The following PDE4D variants were observed in gnomAD, a reference collection of about 807,000 sequenced individuals.
PDE4D encodes 3',5'-cyclic-AMP phosphodiesterase 4D.
A neutral mutation model predicts 87.4 loss-of-function variants in PDE4D; 24 were observed. The ratio of observed to expected loss-of-function variants is 0.27; its 90% CI spans 0.20 to 0.39. The LOEUF (loss-of-function observed/expected upper bound fraction) is 0.39. Ranked by LOEUF, PDE4D falls within the 10% of genes least tolerant of loss-of-function variation. The pLI, the probability that PDE4D is intolerant of heterozygous loss-of-function variation, is 1.00. For missense variants in PDE4D, 714 were observed against 1,041.0 expected, an observed-to-expected ratio of 0.69 and a Z score of 4.32; for synonymous variants, 384 against 383.2, an observed-to-expected ratio of 1.00 and a Z score of -0.02.
intron 1 of PDE4D, among the ~76,000 whole-genome samples, chr5:59,362,951 A>G (rs1782459104): frequency 1.3e-5 from 2 of 152,164 alleles, no homozygotes; most frequent in African/African-American, 4.8e-5. Flanking sequence ...GTTGGAGCCA[A>G]CAGTCATAAA....
intron 2 of PDE4D, among the ~76,000 whole-genome samples, chr5:60,138,663 G>A (rs989243258): frequency 7.9e-5 from 12 of 152,090 alleles, no homozygotes; most frequent in African/African-American, 2.4e-4. Flanking sequence ...GTGTGTGTGT[G>A]TTCTCAAAGA....
At chr5:59,577,826 G>C (rs1823427765) in intron 1 of PDE4D, among the ~76,000 whole-genome samples, 1 of 151,976 alleles carries the variant, frequency 6.6e-6, no homozygotes, top group South Asian at 2.1e-4. Context: ...AAAATTATAA[G>C]GCTATTTAAT....
At chr5:60,205,596 G>C (rs1742413121) in intron 1 of PDE4D, among the ~76,000 whole-genome samples, 1 of 152,046 alleles carries the variant, frequency 6.6e-6, no homozygotes, top group Admixed American at 6.5e-5. Flanking sequence ...TTCCTGAAAA[G>C]GCAATAGGGT....
chr5:60,316,229 T>G (rs1755579524), intron 1 of PDE4D, among the ~76,000 whole-genome samples: 1 of 152,144 alleles, frequency 6.6e-6, no homozygotes, highest in Non-Finnish European at 1.5e-5. Flanking sequence ...ATTCCTAGAT[T>G]TTATTCTCTT....
At chr5:59,637,128 A>G (rs1832345315) in intron 1 of PDE4D, among the ~76,000 whole-genome samples, 1 of 152,270 alleles carries the variant, frequency 6.6e-6, no homozygotes, top group Non-Finnish European at 1.5e-5. Flanking sequence ...TATGCATATG[A>G]ACAAGCATAT....
intron 2 of PDE4D, among the ~76,000 whole-genome samples, chr5:60,037,035 G>A (rs1475107349): frequency 6.6e-6 from 1 of 152,180 alleles, no homozygotes; most frequent in Non-Finnish European, 1.5e-5. Flanking sequence ...TGTCAGCAGA[G>A]ACCAGATCAC....
chr5:60,301,067 C>T (rs1015395339), intron 1 of PDE4D, among the ~76,000 whole-genome samples: 1 of 152,158 alleles, frequency 6.6e-6, no homozygotes, highest in African/African-American at 2.4e-5. Context: ...ATGCGCCCAG[C>T]CTTCTGTGTC....
At chr5:59,451,222 C>T (rs1799105006) in intron 1 of PDE4D, among the ~76,000 whole-genome samples, 1 of 152,208 alleles carries the variant, frequency 6.6e-6, no homozygotes, top group South Asian at 2.1e-4. Context: ...TAGCACCTAA[C>T]TTTCTTGGTT....
intron 2 of PDE4D, among the ~76,000 whole-genome samples, chr5:59,212,014 T>C (rs1406677511): frequency 6.6e-6 from 1 of 152,162 alleles, no homozygotes; most frequent in African/African-American, 2.4e-5. Flanking sequence ...AGGTACTGTT[T>C]GTATTTGAAA....
At chr5:59,875,341 G>T (rs1228654491) in intron 1 of PDE4D, among the ~76,000 whole-genome samples, 1 of 151,488 alleles carries the variant, frequency 6.6e-6, no homozygotes, top group East Asian at 1.9e-4. Flanking sequence ...CTCGCCTGTA[G>T]TCCCAGCTAC....
intron 5 of PDE4D, among the ~76,000 whole-genome samples, chr5:59,054,580 A>C (rs776801087): frequency 6.6e-6 from 1 of 151,938 alleles, no homozygotes; most frequent in South Asian, 2.1e-4. Context: ...TTCAGTATAA[A>C]TTAAACCAAT....
At chr5:59,134,861 C>G (rs903667490) in intron 5 of PDE4D, among the ~76,000 whole-genome samples, 7 of 152,138 alleles carry the variant, frequency 4.6e-5, no homozygotes, top group Non-Finnish European at 1.0e-4. Flanking sequence ...TGTATGAGCT[C>G]TAGGTTGTTA....
chr5:60,024,231 T>G (rs2152854803), intron 2 of PDE4D, among the ~76,000 whole-genome samples: 1 of 152,290 alleles, frequency 6.6e-6, no homozygotes, highest in South Asian at 2.1e-4. Flanking sequence ...ATTGTTTATT[T>G]TATTTTTGAT....
At position 58,990,910 on chromosome 5, in the gene PDE4D, GA is replaced by G. The variant is rs368587062; in HGVS notation, c.1189-9del. Reference sequence around the variant, plus strand: ...GTTCACATCTTCTAGTTCCTGGAGTGAAAAAAAAAAAAAGATACTAAAATAT... The same window carrying G: ...GTTCACATCTTCTAGTTCCTGGAGTGAAAAAAAAAAAAGATACTAAAATAT... On this transcript the variant is annotated splice_polypyrimidine_tract_variant and intron_variant, in intron 8 of 14. Coordinates refer to ENST00000340635, the MANE Select transcript of PDE4D (RefSeq NM_001104631.2). 0.15 allele frequency: 144,146 copies of G among 960,166 alleles called. 2 individuals are homozygous for G. The highest frequency in any genetic ancestry group is 0.23 in the East Asian group (6,394 of 27,364). The allele number at this position is 960,166 out of a possible 1,614,324, so 59.5% of individuals were successfully genotyped here.
At chr5:60,142,153 G>A (rs1341096674) in intron 2 of PDE4D, among the ~76,000 whole-genome samples, 1 of 145,234 alleles carries the variant, frequency 6.9e-6, no homozygotes, top group Non-Finnish European at 1.5e-5. Flanking sequence ...CTGCCCAAAA[G>A]GAAATTACAA....
rs140159494 is a variant in PDE4D at position 59,915,734 on chromosome 5, G to A, written c.272+72754C>T. On this transcript the variant is annotated intron_variant, in intron 3 of 16. Coordinates refer to the PDE4D transcript ENST00000502484. ...TGTATTACTTTTCCCTCTCATATTC[G>A]TGTCTTACTCTTAATAGGAAGTATG... Among the ~76,000 whole-genome samples, 1,019 of 151,986 alleles carry A rather than the reference G, an allele frequency of 6.7e-3. 10 individuals carry two copies. Among genetic ancestry groups the A allele is most frequent in the Non-Finnish European group, 0.011 (778 of 67,988 alleles).
At chr5:59,539,626 G>GA (rs1179792105) in intron 1 of PDE4D, among the ~76,000 whole-genome samples, 5 of 152,096 alleles carry the variant, frequency 3.3e-5, no homozygotes, top group African/African-American at 1.2e-4. Context: ...TGTCTAGAGA[G>GA]AATATTAGAG....
rs1581905606 is a variant in PDE4D, at chr5:59,957,078, T to C, written c.272+31410A>G. ...GACAAGGACAAAAGGCTTCTTTTGC[T>C]AAAAATAACAACATCCCTACTTAAG... On this transcript the variant is annotated intron_variant, in intron 3 of 16. Transcript: ENST00000502484. Among the ~76,000 whole-genome samples, 4 of 152,334 alleles carry C rather than the reference T, an allele frequency of 2.6e-5. 1 individual carries two copies. Among genetic ancestry groups the C allele is most frequent in the African/African-American group, 9.6e-5 (4 of 41,580 alleles).
intron 1 of PDE4D, among the ~76,000 whole-genome samples, chr5:59,599,400 A>AT (rs1827173209): frequency 1.3e-5 from 2 of 150,626 alleles, no homozygotes; most frequent in African/African-American, 4.9e-5. Context: ...TTATTTATTT[A>AT]TTTATTTTTT....
Sources: gnomAD v4.1 joint callset for allele counts (sites outside exome capture counted in the v4.1 genomes callset) on GRCh38, gnomAD v4.1.1 for gene constraint, MANE v1.5 for transcripts, NCBI Gene and HGNC (gene_info 2026-07-23, HGNC 2026-07-21) for gene names.